Variants in KMT2C observed in about 807,000 individuals in gnomAD.
KMT2C encodes the protein lysine methyltransferase 2C.
In KMT2C, 88 loss-of-function variants were observed where a neutral mutation model predicts 507.9. The observed-to-expected ratio is 0.17, with a 90% CI of 0.15 to 0.21. KMT2C has a LOEUF of 0.21. Ranked by LOEUF, KMT2C falls within the 10% of genes least tolerant of loss-of-function variation. KMT2C has a pLI of 1.00. For synonymous variants in KMT2C, 2,049 were observed against 2,080.8 expected, an observed-to-expected ratio of 0.98 and a Z score of 0.42; for missense variants, 4,954 against 5,957.8, an observed-to-expected ratio of 0.83 and a Z score of 5.55.
intron 6 of KMT2C, among the ~76,000 whole-genome samples, chr7:152,299,648 T>G (rs927000155): frequency 5.9e-5 from 9 of 151,910 alleles, no homozygotes; most frequent in Non-Finnish European, 1.0e-4. Flanking sequence ...GACCCCATCT[T>G]GGCAGGTGGG....
intron 6 of KMT2C, among the ~76,000 whole-genome samples, chr7:152,302,847 T>C (rs1263187660): frequency 6.6e-6 from 1 of 151,884 alleles, no homozygotes; most frequent in African/African-American, 2.4e-5. Context: ...TTTTGCCATG[T>C]TGGTTAGGCT....
intron 6 of KMT2C, among the ~76,000 whole-genome samples, chr7:152,285,795 G>A (rs1448508049): frequency 6.6e-6 from 1 of 152,214 alleles, no homozygotes; most frequent in African/African-American, 2.4e-5. Context: ...GAGCAGCCTA[G>A]CCAACATGGC....
intron 31 of KMT2C, among the ~76,000 whole-genome samples, chr7:152,192,457 G>A (rs548389641): frequency 5.9e-5 from 9 of 151,784 alleles, no homozygotes; most frequent in East Asian, 3.9e-4. Context: ...CAGAAGAATC[G>A]CTGAACTCAG....
rs764463098 is a variant in KMT2C, at chr7:152,163,230, G to C, written c.10347C>G (p.Ser3449=). ...AGTCGGAACTGTAGAAGGGAATCTG[G>C]GACACAGATGTCCTACTACTACTTA... ...SEISSSRTSV[S]QIPFYSSDLP... The change falls in exon 43 of 59, where the codon TCC becomes TCG. Residue 3449 remains serine (S), a synonymous_variant. Transcript: ENST00000262189. The C allele has an allele frequency of 1.2e-5, 20 of 1,613,964 alleles. No homozygotes were observed. In the East Asian group the frequency reaches 2.4e-4, roughly 20 times the overall value.
In KMT2C at chr7:152,148,356, C is replaced by G. The variant is rs1188632618; in HGVS notation, c.13571G>C (p.Arg4524Thr). The G allele has an allele frequency of 6.2e-7, 1 of 1,614,250 alleles. No homozygotes were observed. Among genetic ancestry groups the G allele is most frequent in the East Asian group, 2.2e-5 (1 of 44,892 alleles). ...QELSYFAVFR[R>T]VYVQRDEVRQ... ...CACCTCATCACGCTGAACATAGACC[C>G]TCCTGAAGACTGCAAAGTAACTTAA... is the stretch of plus-strand genomic sequence containing the variant. Residue 4524 changes from arginine to threonine, a missense_variant, in exon 52 of 59, where the codon AGG (arginine) becomes ACG (threonine). Transcript: ENST00000262189. The surrounding 1 kb of genome is among the most constrained non-coding windows in gnomAD (Gnocchi z 7.1).
At chr7:152,390,653 AT>A (rs2097485580) in intron 1 of KMT2C, among the ~76,000 whole-genome samples, 1 of 152,160 alleles carries the variant, frequency 6.6e-6, no homozygotes, top group African/African-American at 2.4e-5. Flanking sequence ...GATCAAACAG[AT>A]TAAATGGTCA....
rs139717815 is a variant in KMT2C at position 152,178,418 on chromosome 7, T to C, written c.7443-408A>G. Among the ~76,000 whole-genome samples, 698 of 152,308 alleles carry C rather than the reference T, an allele frequency of 4.6e-3. 5 individuals carry two copies. Among genetic ancestry groups the C allele is most frequent in the Non-Finnish European group, 7.0e-3 (479 of 68,030 alleles). On this transcript the variant is annotated intron_variant, in intron 37 of 58. Coordinates refer to ENST00000262189, the MANE Select transcript of KMT2C (RefSeq NM_170606.3). The stretch of plus-strand genomic sequence containing the variant: ...TTCGGGGATGATGTTTGAATGAAGA[T>C]AGGTCTTCATACCTATTGAGGGACT...
At chr7:152,301,198 A>C (rs1402629165) in intron 6 of KMT2C, among the ~76,000 whole-genome samples, 1 of 27,366 alleles carries the variant, frequency 3.7e-5, no homozygotes, top group Non-Finnish European at 5.7e-5. Context: ...CCTGTCTCCT[A>C]AAAAAAAAAA....
chr7:152,286,848 A>G (rs1788669673), intron 6 of KMT2C, among the ~76,000 whole-genome samples: 1 of 152,262 alleles, frequency 6.6e-6, no homozygotes, highest in African/African-American at 2.4e-5. Context: ...ACCAACAGGC[A>G]CACACATACG....
chr7:152,219,714 T>C lies in KMT2C; in HGVS notation c.3712+809A>G, dbSNP rs560375931. ...CAACAGTAATCCTCTTTAACTCATA[T>C]TGGATTTTGGGTTACTATTAAAATA... On this transcript the variant is annotated intron_variant, in intron 23 of 58. Coordinates refer to ENST00000262189, the MANE Select transcript of KMT2C (RefSeq NM_170606.3). 2.5e-4 allele frequency among the ~76,000 whole-genome samples: 38 copies of C among 152,330 alleles called. 1 individual carries two copies. In the South Asian group the frequency reaches 7.3e-3, roughly 29 times the overall value.
At chr7:152,249,490 C>A (rs1251106163) in intron 13 of KMT2C, among the ~76,000 whole-genome samples, 5 of 151,508 alleles carry the variant, frequency 3.3e-5, no homozygotes, top group South Asian at 4.2e-4. Flanking sequence ...TCCCCAGATA[C>A]TTTTTTTATT....
intron 2 of KMT2C, among the ~76,000 whole-genome samples, chr7:152,341,691 T>G (rs184920504): frequency 2.6e-5 from 4 of 152,250 alleles, no homozygotes; most frequent in African/African-American, 9.6e-5. Context: ...TAGGGAAAAT[T>G]TTATCCAAAG....
intron 42 of KMT2C, among the ~76,000 whole-genome samples, chr7:152,164,291 ATTT>A (rs879896015): frequency 2.9e-4 from 42 of 142,676 alleles, no homozygotes; most frequent in Non-Finnish European, 1.2e-4. Flanking sequence ...ATTGTACAAC[ATTT>A]TTTTTTTTTT....
rs2129098510 is a variant in KMT2C at position 152,154,042 on chromosome 7, C to T, written c.12244G>A (p.Val4082Ile). 6.2e-7 allele frequency: 1 copy of T among 1,614,014 alleles called. No individual in the cohort carries two copies. Among genetic ancestry groups the T allele is most frequent in the Non-Finnish European group, 8.5e-7 (1 of 1,179,978 alleles). The change falls in exon 48 of 59, where the codon GTA becomes ATA. Residue 4082 changes from valine to isoleucine, a missense_variant. Val to Ile is a conservative substitution (Grantham distance 29). Transcript: ENST00000262189. ...GCTGTAGGATGCAGAGTAATTGCTA[C>T]AGATATAAGACCTGATCTGGGACCA... ...PNGPRSGLIS[V>I]AITLHPTAAE...
chr7:152,235,207 G>GTATATATATATA (rs71533554), intron 16 of KMT2C, among the ~76,000 whole-genome samples: 11 of 142,490 alleles, frequency 7.7e-5, no homozygotes, highest in African/African-American at 2.5e-4. Flanking sequence ...TTTCAAGGGT[G>GTATATATATATA]TATATATATA....
chr7:152,212,060 A>AAAGAG (rs531444215), intron 23 of KMT2C, among the ~76,000 whole-genome samples: 7 of 152,268 alleles, frequency 4.6e-5, no homozygotes, highest in African/African-American at 1.4e-4. Flanking sequence ...GAAACGAAGA[A>AAAGAG]AAGAGAAGAG....
chr7:152,233,924 C>T (rs139465763), intron 16 of KMT2C, among the ~76,000 whole-genome samples: 1,830 of 152,292 alleles, frequency 0.012, 21 homozygotes, highest in Middle Eastern at 0.017. Flanking sequence ...CATCTGAGGC[C>T]AGGAGTTCGA....
At chr7:152,297,051 A>AAGAAAGAGAGAGAGAG (rs1356233143) in intron 6 of KMT2C, among the ~76,000 whole-genome samples, 2 of 60,240 alleles carry the variant, frequency 3.3e-5, no homozygotes, top group Non-Finnish European at 6.7e-5. Flanking sequence ...GAAAGAAAGA[A>AAGAAAGAGAGAGAGAG]AGACAGAGAG....
In KMT2C at chr7:152,162,067, ATAATT is replaced by A. The variant is rs774695446; in HGVS notation, c.11460+45_11460+49del. 3.2e-5 allele frequency: 47 copies of A among 1,490,908 alleles called. No homozygotes were observed. The East Asian group carries it at 1.1e-3, about 34-fold the overall frequency. The allele number at this position is 1,490,908 out of a possible 1,614,324, so 92.4% of individuals were successfully genotyped here. A position where few individuals can be genotyped will look rare whatever the true frequency, so the allele number is the denominator to read the frequency against. ...TTGCTGGTACTAATCTGCTGTAAGTATAATTTAAAACAAAAGAAAAAAGTTGTCGT... is the reference window on the plus strand; with the variant it reads ...TTGCTGGTACTAATCTGCTGTAAGTATAAAACAAAAGAAAAAAGTTGTCGT... On this transcript the variant is annotated intron_variant, in intron 43 of 58. Transcript: ENST00000262189.
Sources: allele counts gnomAD v4.1 joint callset (sites outside exome capture counted in the v4.1 genomes callset), GRCh38; gene constraint gnomAD v4.1.1; non-coding constraint Gnocchi (gnomAD v3.1); transcripts MANE v1.5; gene names NCBI Gene and HGNC (gene_info 2026-07-23, HGNC 2026-07-21).